Variants in ART3 observed in about 807,000 individuals in gnomAD.
ART3 encodes ADP-ribosyltransferase 3 (inactive).
Under a neutral mutation model 48.5 loss-of-function variants are expected in ART3, and 49 were observed. That is an observed-to-expected ratio of 1.01 (90% CI 0.80 to 1.28). The LOEUF is 1.28. Among genes scored for constraint, ART3 ranks in the 50% most tolerant of loss-of-function variants. The probability of loss-of-function intolerance (pLI) is 0.00; values close to 1 mark genes in which losing one functional copy is unlikely to be tolerated. For synonymous variants in ART3, 145 were observed against 157.2 expected, an observed-to-expected ratio of 0.92 and a Z score of 0.58; for missense variants, 438 against 454.3, an observed-to-expected ratio of 0.96 and a Z score of 0.33.
At chr4:76,039,195 G>A (rs1022017171) in intron 1 of ART3, among the ~76,000 whole-genome samples, 2 of 149,910 alleles carry the variant, frequency 1.3e-5, no homozygotes, top group African/African-American at 4.9e-5. Context: ...CGCCTCCTGG[G>A]TTCAAGCGAT....
chr4:76,090,668 G>C (rs1724678045), intron 3 of ART3, among the ~76,000 whole-genome samples: 1 of 152,066 alleles, frequency 6.6e-6, no homozygotes, highest in African/African-American at 2.4e-5. Flanking sequence ...TAGGGAACTA[G>C]AGACCAGATC....
intron 1 of ART3, among the ~76,000 whole-genome samples, chr4:76,039,468 T>G (rs939231865): frequency 6.6e-6 from 1 of 152,240 alleles, no homozygotes; most frequent in African/African-American, 2.4e-5. Flanking sequence ...CACATCTAGC[T>G]TGTTTTCAGC....
At chr4:76,087,595 G>A (rs1723894092) in intron 3 of ART3, among the ~76,000 whole-genome samples, 3 of 152,152 alleles carry the variant, frequency 2.0e-5, no homozygotes, top group Non-Finnish European at 4.4e-5. Flanking sequence ...GTTACGTTTA[G>A]TGTGCTAAAC....
intron 1 of ART3, among the ~76,000 whole-genome samples, chr4:76,047,183 C>T (rs1735592206): frequency 1.3e-5 from 2 of 152,100 alleles, no homozygotes; most frequent in South Asian, 4.2e-4. Context: ...TAGTAAACCA[C>T]ACTGATAACA....
At chr4:76,075,065 A>G (rs115763105) in intron 1 of ART3, among the ~76,000 whole-genome samples, 2 of 152,322 alleles carry the variant, frequency 1.3e-5, no homozygotes, top group Non-Finnish European at 2.9e-5. Context: ...AATGATCTAT[A>G]AAAGGGAAGA....
chr4:76,068,720 T>C (rs1719991040), intron 1 of ART3, among the ~76,000 whole-genome samples: 1 of 152,072 alleles, frequency 6.6e-6, no homozygotes, highest in Admixed American at 6.5e-5. Context: ...AAGTAATGGG[T>C]ACAACAAACC....
At chr4:76,100,629 C>CAAG (rs367715887) in intron 6 of ART3, among the ~76,000 whole-genome samples, 166 bp from the exon 7 acceptor site, 1 of 88,034 alleles carries the variant, frequency 1.1e-5, no homozygotes, top group Non-Finnish European at 2.4e-5. Flanking sequence ...GGCTCCGTCT[C>CAAG]AAAAAAAAAA....
intron 1 of ART3, among the ~76,000 whole-genome samples, chr4:76,047,777 G>A (rs540921258): frequency 6.6e-6 from 1 of 152,034 alleles, no homozygotes; most frequent in South Asian, 2.1e-4. Flanking sequence ...TCGGGCTGCA[G>A]CTAAAGCCAC....
intron 2 of ART3, among the ~76,000 whole-genome samples, chr4:76,079,328 T>C (rs770568788): frequency 2.0e-5 from 3 of 152,134 alleles, no homozygotes; most frequent in Non-Finnish European, 2.9e-5. Context: ...GAAGGAAATA[T>C]GTAGGAAAAG....
At chr4:76,035,961 G>C (rs201865900) in intron 1 of ART3, 2 of 1,613,818 alleles carry the variant, frequency 1.2e-6, no homozygotes, top group East Asian at 2.2e-5. Flanking sequence ...TCACAGCCAA[G>C]GCTATAGCCA....
At chr4:76,109,004 C>T (rs1214312544) in intron 11 of ART3, among the ~76,000 whole-genome samples, 1 of 151,974 alleles carries the variant, frequency 6.6e-6, no homozygotes, top group Non-Finnish European at 1.5e-5. Flanking sequence ...GATGTGAAGG[C>T]CTGGGACACT....
Position 76,032,421 on chromosome 4 carries a change from A to T in ART3, c.-10+21101A>T, listed in dbSNP as rs1219366317. On this transcript the variant is annotated intron_variant, in intron 1 of 9. Transcript: ENST00000341029. Reference sequence around the variant, plus strand: ...GAATTTTCGCTATGTTGCCCAAGCTAGTCTTGAACTCCTGGGCTTAAGCCA... The same window carrying T: ...GAATTTTCGCTATGTTGCCCAAGCTTGTCTTGAACTCCTGGGCTTAAGCCA... Among the ~76,000 whole-genome samples the T allele has an allele frequency of 2.0e-5, 3 of 151,970 alleles. No individual in the cohort carries two copies. In the South Asian group the frequency reaches 6.2e-4, roughly 32 times the overall value.
chr4:76,039,697 TA>T (rs1278722185), intron 1 of ART3, among the ~76,000 whole-genome samples: 1 of 152,250 alleles, frequency 6.6e-6, no homozygotes, highest in African/African-American at 2.4e-5. Context: ...AGTGTTGTCA[TA>T]TAGCTTTGGT....
chr4:76,053,886 A>G (rs1016363021), intron 1 of ART3, among the ~76,000 whole-genome samples: 1 of 152,232 alleles, frequency 6.6e-6, no homozygotes, highest in Non-Finnish European at 1.5e-5. Flanking sequence ...TTCTCACAAC[A>G]AAGCAGCTCT....
chr4:76,025,567 C>G (rs1333889998), intron 1 of ART3, among the ~76,000 whole-genome samples: 1 of 152,184 alleles, frequency 6.6e-6, no homozygotes, highest in African/African-American at 2.4e-5. Flanking sequence ...ATAATAACAT[C>G]TACCTCTGAC....
At chr4:76,036,209 C>T (rs1204688359) in intron 1 of ART3, 4 of 491,190 alleles carry the variant, frequency 8.1e-6, no homozygotes, top group Non-Finnish European at 7.1e-6. Context: ...CTAAATGTTA[C>T]TGTCCCTTCC....
In ART3 at chr4:76,109,407, C is replaced by T. The variant is rs538656008; in HGVS notation, c.1036+1614C>T. Among the ~76,000 whole-genome samples the T allele has an allele frequency of 3.9e-5, 6 of 152,226 alleles. No individual in the cohort carries two copies. In the East Asian group the frequency reaches 1.2e-3, roughly 29 times the overall value. ...GGTAGTAACGTGCATGGAACTGTCACCTCCTATGATAATGCCTTCTGGAGT... is the reference window on the plus strand; with the variant it reads ...GGTAGTAACGTGCATGGAACTGTCATCTCCTATGATAATGCCTTCTGGAGT... On this transcript the variant is annotated intron_variant, in intron 11 of 11. Transcript: ENST00000355810.
chr4:76,095,475 TCCA>T (rs1725796845), intron 3 of ART3, among the ~76,000 whole-genome samples: 1 of 152,144 alleles, frequency 6.6e-6, no homozygotes, highest in Non-Finnish European at 1.5e-5. Flanking sequence ...GCCACTGCAC[TCCA>T]GCCTGGGTGA....
intron 1 of ART3, chr4:76,022,557 A>G (rs1259186401): frequency 2.0e-6 from 3 of 1,480,156 alleles, no homozygotes; most frequent in Middle Eastern, 1.7e-4. Context: ...TTCACTCTGC[A>G]TGTTTTTGTT....
Sources: allele counts gnomAD v4.1 joint callset (sites outside exome capture counted in the v4.1 genomes callset), GRCh38; gene constraint gnomAD v4.1.1; transcripts MANE v1.5; gene names NCBI Gene and HGNC (gene_info 2026-07-23, HGNC 2026-07-21).